Variants in MCCC1 observed in about 807,000 individuals in gnomAD.
The protein encoded by MCCC1 is methylcrotonyl-CoA carboxylase subunit 1, also known as methylcrotonoyl-CoA carboxylase subunit alpha, mitochondrial.
MCCC1 carries 64 observed loss-of-function variants against 83.8 expected under a neutral mutation model. The observed-to-expected ratio is 0.76, with a 90% confidence interval of 0.62 to 0.94. The LOEUF (loss-of-function observed/expected upper bound fraction) is 0.94, where lower values mean the gene tolerates loss of function less well. Among genes scored for constraint, MCCC1 ranks in the 40% least tolerant of loss-of-function variants. MCCC1 has a pLI of 0.00. For missense variants in MCCC1, 807 were observed against 904.7 expected, an observed-to-expected ratio of 0.89 and a Z score of 1.39; for synonymous variants, 322 against 315.4, an observed-to-expected ratio of 1.02 and a Z score of -0.22.
chr3:183,046,034 G>C (rs1714533362), intron 9 of MCCC1, among the ~76,000 whole-genome samples: 1 of 152,144 alleles, frequency 6.6e-6, no homozygotes, highest in Admixed American at 6.5e-5. Context: ...ATTCTATTAA[G>C]CTCTAAAAAA....
chr3:183,106,482 T>TTGTC (rs1719405217), intron 1 of MCCC1, among the ~76,000 whole-genome samples: 1 of 146,958 alleles, frequency 6.8e-6, no homozygotes, highest in African/African-American at 2.6e-5. Context: ...TTCTTTGTTC[T>TTGTC]TTTCTTTCTT....
intron 7 of MCCC1, among the ~76,000 whole-genome samples, chr3:183,062,338 TTTG>T (rs1452847173): frequency 6.9e-6 from 1 of 145,048 alleles, no homozygotes; most frequent in African/African-American, 2.5e-5. Context: ...TTGCCTGAGT[TTTG>T]TTTTTTCAGT....
rs181172702 is a variant in MCCC1, at chr3:183,015,218, T to C, written c.*220A>G. On this transcript the variant is annotated 3_prime_UTR_variant, in exon 19 of 19. Transcript: ENST00000265594. ...AAAAAATTTGAGGCAGAAACAAACA[T>C]TGGCTTCCAATAAAAAATAATTCAA... 17 of 577,444 alleles carry C rather than the reference T, an allele frequency of 2.9e-5. No individual in the cohort carries two copies. Among genetic ancestry groups the C allele is most frequent in the Non-Finnish European group, 3.7e-5 (12 of 325,616 alleles). The allele number at this position is 577,444 out of a possible 1,614,324, so 35.8% of individuals were successfully genotyped here.
intron 1 of MCCC1, among the ~76,000 whole-genome samples, chr3:183,110,248 A>C (rs1218461535): frequency 6.6e-6 from 1 of 152,098 alleles, no homozygotes; most frequent in Non-Finnish European, 1.5e-5. Flanking sequence ...CTGTAGTTTA[A>C]TTAGGTCCTA....
rs200216718 is a variant in MCCC1, at chr3:183,037,363, G to A, written c.1449C>T (p.Asn483=). 8.1e-6 allele frequency: 13 copies of A among 1,614,126 alleles called. No homozygotes were observed. The East Asian group carries it at 1.6e-4, about 19-fold the overall frequency. ...LSGHPEFEAG[N]VHTDFIPQHH... ...GTTGAGGGATGAAATCAGTGTGCAC[G>A]TTCCCAGCTTCAAACTCTGGGTGGC... The change falls in exon 13 of 19, where the codon AAC becomes AAT. Residue 483 remains asparagine, a synonymous_variant. Transcript: ENST00000265594.
At chr3:183,099,120 A>C (rs1281684067) in intron 1 of MCCC1, 1 of 599,726 alleles carries the variant, frequency 1.7e-6, no homozygotes. Flanking sequence ...AACAGAAGCC[A>C]AAGGCGCGCT....
intron 1 of MCCC1, among the ~76,000 whole-genome samples, chr3:183,110,716 G>C (rs561191816): frequency 3.9e-5 from 6 of 152,188 alleles, no homozygotes; most frequent in Middle Eastern, 3.4e-3. Context: ...TTTTGCCAAG[G>C]CTGATGTTCA....
chr3:183,034,457 AAAAAAAAAAAAAC>A (rs1281323316), intron 13 of MCCC1, among the ~76,000 whole-genome samples: 1 of 150,178 alleles, frequency 6.7e-6, no homozygotes, highest in Non-Finnish European at 1.5e-5. Context: ...TCCGTCTCAA[AAAAAAAAAAAAAC>A]AAAAAAACAC....
intron 14 of MCCC1, among the ~76,000 whole-genome samples, chr3:183,033,639 A>G (rs1014280144): frequency 1.3e-5 from 2 of 152,170 alleles, no homozygotes; most frequent in Non-Finnish European, 2.9e-5. Context: ...CTGCAGAAAA[A>G]TTGCAAAGCA....
chr3:183,034,024 T>C lies in MCCC1; in HGVS notation c.1648A>G (p.Thr550Ala), dbSNP rs761175263. Reference sequence around the variant, plus strand: ...CCATCTTTAAGAGTCATGTTTCTGGTATACGAGATATTCAGTCTTCTTCCA... The same window carrying C: ...CCATCTTTAAGAGTCATGTTTCTGGCATACGAGATATTCAGTCTTCTTCCA... ...SSGRRLNISY[T>A]RNMTLKDGKN... is the part of the protein sequence containing the mutation. Residue 550 changes from threonine to alanine, a missense_variant, in exon 14 of 19, where the codon ACC becomes GCC. Physicochemically the swap from Thr to Ala is moderately conservative, Grantham distance 58 (BLOSUM62 0). Transcript: ENST00000265594. 2 of 1,611,990 alleles carry C rather than the reference T, an allele frequency of 1.2e-6. No homozygotes were observed.
intron 1 of MCCC1, among the ~76,000 whole-genome samples, chr3:183,105,872 G>A (rs555478737): frequency 1.3e-5 from 2 of 151,924 alleles, no homozygotes; most frequent in Admixed American, 1.3e-4. Context: ...GGTGGATCAC[G>A]AGGTCAGGAG....
intron 13 of MCCC1, among the ~76,000 whole-genome samples, chr3:183,034,469 AC>A (rs61341136): frequency 0.018 from 2,537 of 144,836 alleles, 189 homozygotes; most frequent in African/African-American, 0.061. Context: ...AAAAAAAAAA[AC>A]AAAAAAACAC....
At chr3:183,101,723 G>A (rs951335017), upstream of MCCC1, among the ~76,000 whole-genome samples, 9 of 152,208 alleles carry the variant, frequency 5.9e-5, no homozygotes, top group Admixed American at 2.0e-4. Flanking sequence ...CCACGCTGTG[G>A]AAGCTTTGTT....
chr3:183,017,100 C>G lies in MCCC1; in HGVS notation c.2049+166G>C. ...AATTTCACAAAGTTAAAGTAAAACTCTTTTCTACAAGAAGGATAGTTTGGT... is the reference window on the plus strand; with the variant it reads ...AATTTCACAAAGTTAAAGTAAAACTGTTTTCTACAAGAAGGATAGTTTGGT... On this transcript the variant is annotated intron_variant, in intron 18 of 18. Transcript: ENST00000265594. The G allele has an allele frequency of 4.6e-6, 3 of 656,518 alleles. No homozygotes were observed. The South Asian group carries it at 5.2e-5, about 11-fold the overall frequency. The allele number at this position is 656,518 out of a possible 1,614,324, so 40.7% of individuals were successfully genotyped here. A position where few individuals can be genotyped will look rare whatever the true frequency, so the allele number is the denominator to read the frequency against.
intron 1 of MCCC1, among the ~76,000 whole-genome samples, chr3:183,107,534 TTTGTTGTTG>T (rs530964558): frequency 6.6e-6 from 1 of 151,108 alleles, no homozygotes; most frequent in Admixed American, 6.6e-5. Context: ...ATTATTATTA[TTTGTTGTTG>T]TTGTTGTTGT....
chr3:183,015,598 C>A (rs1268991473), intron 18 of MCCC1, 32 bp from the exon 19 acceptor site: 5 of 1,613,540 alleles, frequency 3.1e-6, no homozygotes, highest in Non-Finnish European at 4.2e-6. Flanking sequence ...CAAATGATAG[C>A]TGCAATACTA....
intron 15 of MCCC1, among the ~76,000 whole-genome samples, chr3:183,024,009 G>C (rs1712374052): frequency 6.6e-6 from 1 of 152,188 alleles, no homozygotes; most frequent in Non-Finnish European, 1.5e-5. Flanking sequence ...CCAGCACTTT[G>C]GGAGGCCAAG....
At chr3:183,044,235 A>AT (rs1421976012) in intron 10 of MCCC1, among the ~76,000 whole-genome samples, 1 of 152,142 alleles carries the variant, frequency 6.6e-6, no homozygotes, top group Non-Finnish European at 1.5e-5. Flanking sequence ...TACTTAACAG[A>AT]TTTTTTTCAT....
At position 183,064,319 on chromosome 3, in the gene MCCC1, G is replaced by C. The variant is rs1189026606; in HGVS notation, c.761+6680C>G. The stretch of plus-strand genomic sequence containing the variant: ...TGATAACTCTGTATTCCCACAAGTG[G>C]TATATATCGTAAATATTAAAATGAT... On this transcript the variant is annotated intron_variant, in intron 7 of 18. Coordinates refer to ENST00000265594, the MANE Select transcript of MCCC1 (RefSeq NM_020166.5). The surrounding 1 kb of genome is among the most constrained non-coding windows in gnomAD (Gnocchi z 4.5). 6.6e-6 allele frequency among the ~76,000 whole-genome samples: 1 copy of C among 151,894 alleles called. No individual in the cohort carries two copies. The highest frequency in any genetic ancestry group is 1.9e-4 in the East Asian group (1 of 5,170).
Sources: allele counts gnomAD v4.1 joint callset (sites outside exome capture counted in the v4.1 genomes callset), GRCh38; gene constraint gnomAD v4.1.1; non-coding constraint Gnocchi (gnomAD v3.1); transcripts MANE v1.5; gene names NCBI Gene and HGNC (gene_info 2026-07-23, HGNC 2026-07-21).